The following NEGR1 variants were observed in gnomAD, a reference collection of about 807,000 sequenced individuals.
The protein encoded by NEGR1 is IgLON family member 4.
Under a neutral mutation model 40.9 loss-of-function variants are expected in NEGR1, and 10 were observed. That is an observed-to-expected ratio of 0.24 (90% CI 0.15 to 0.42). The LOEUF (loss-of-function observed/expected upper bound fraction) is 0.42, where lower values mean the gene tolerates loss of function less well. Among genes scored for constraint, NEGR1 ranks in the 10% least tolerant of loss-of-function variants. The pLI, the probability that NEGR1 is intolerant of heterozygous loss-of-function variation, is 1.00. For synonymous variants in NEGR1, 185 were observed against 166.8 expected (o/e 1.11, Z -0.84); for missense variants, 352 against 438.9 (o/e 0.80, Z 1.77).
chr1:72,113,865 C>T (rs1057353351), intron 1 of NEGR1, among the ~76,000 whole-genome samples: 11 of 151,670 alleles, frequency 7.3e-5, no homozygotes, highest in Admixed American at 2.0e-4. Flanking sequence ...TTGTGTGTGA[C>T]GTGACAGCAT....
At chr1:71,945,604 TTC>T (rs905346306) in intron 1 of NEGR1, among the ~76,000 whole-genome samples, 77 of 149,806 alleles carry the variant, frequency 5.1e-4, no homozygotes, top group African/African-American at 1.9e-3. Context: ...CCACAAAAGT[TTC>T]TTTTTTTATA....
intron 1 of NEGR1, among the ~76,000 whole-genome samples, chr1:71,944,778 T>C (rs1646002028): frequency 6.6e-6 from 1 of 152,100 alleles, no homozygotes. Context: ...TTTTTCCTAA[T>C]AAAAAATATT....
At chr1:72,124,278 T>G (rs1019230771) in intron 1 of NEGR1, among the ~76,000 whole-genome samples, 2 of 151,990 alleles carry the variant, frequency 1.3e-5, no homozygotes, top group East Asian at 3.9e-4. Context: ...GTGCCTTCTA[T>G]GCTAACTTCA....
chr1:71,730,511 A>G (rs904263025), intron 3 of NEGR1, among the ~76,000 whole-genome samples: 1 of 147,910 alleles, frequency 6.8e-6, no homozygotes, highest in Non-Finnish European at 1.5e-5. Context: ...TATTGAATAT[A>G]TATGTTTTAT....
At chr1:71,692,258 C>T (rs1384675920) in intron 4 of NEGR1, among the ~76,000 whole-genome samples, 4 of 150,836 alleles carry the variant, frequency 2.7e-5, no homozygotes, top group African/African-American at 7.3e-5. Context: ...CCTTTTTCTC[C>T]CCTGAGTTGT....
intron 3 of NEGR1, among the ~76,000 whole-genome samples, chr1:71,758,440 G>A (rs1288259419): frequency 1.3e-5 from 2 of 151,786 alleles, no homozygotes; most frequent in Non-Finnish European, 2.9e-5. Flanking sequence ...TCACTTGCCC[G>A]AATCTTAAAG....
chr1:71,768,042 T>G (rs1011385065), intron 3 of NEGR1, among the ~76,000 whole-genome samples: 1 of 152,166 alleles, frequency 6.6e-6, no homozygotes, highest in East Asian at 1.9e-4. Context: ...TATCCAGGCA[T>G]CCAGGCAGAA....
chr1:72,028,948 G>T (rs563209217), intron 1 of NEGR1, among the ~76,000 whole-genome samples: 1 of 152,156 alleles, frequency 6.6e-6, no homozygotes, highest in South Asian at 2.1e-4. Context: ...CACAAAATAC[G>T]CAAAAGAATT....
chr1:71,598,376 T>TA lies in NEGR1; in HGVS notation c.789-5409dup, dbSNP rs528261675. Among the ~76,000 whole-genome samples the TA allele has an allele frequency of 1.1e-4, 17 of 152,180 alleles. No individual in the cohort carries two copies. The East Asian group carries it at 3.1e-3, about 28-fold the overall frequency. The stretch of plus-strand genomic sequence containing the variant: ...TTGATCCAGAGGTGAGTCTAATGGG[T>TA]AAAAAATTAACTAAAAAAATGATAC... On this transcript the variant is annotated intron_variant, in intron 5 of 6. Transcript: ENST00000357731.
intron 6 of NEGR1, among the ~76,000 whole-genome samples, chr1:71,479,309 G>T (rs1043723316): frequency 6.6e-6 from 1 of 151,810 alleles, no homozygotes; most frequent in Non-Finnish European, 1.5e-5. Context: ...TCTATTCCTT[G>T]CTTCACCTGC....
intron 2 of NEGR1, among the ~76,000 whole-genome samples, chr1:71,823,459 T>C (rs886796825): frequency 6.6e-5 from 10 of 152,034 alleles, no homozygotes; most frequent in Admixed American, 6.6e-4. Flanking sequence ...TTTTAATGTT[T>C]AGAGAATATT....
chr1:71,674,754 G>A (rs1359427750), intron 4 of NEGR1, among the ~76,000 whole-genome samples: 1 of 152,068 alleles, frequency 6.6e-6, no homozygotes, highest in Admixed American at 6.6e-5. Flanking sequence ...ATTCTTTGAT[G>A]TCACTCAGAT....
intron 4 of NEGR1, among the ~76,000 whole-genome samples, chr1:71,689,819 A>G (rs2101620497): frequency 6.6e-6 from 1 of 151,134 alleles, no homozygotes; most frequent in African/African-American, 2.4e-5. Flanking sequence ...AATATAATAA[A>G]TATAATTAAA....
intron 6 of NEGR1, among the ~76,000 whole-genome samples, chr1:71,495,281 C>G (rs779615508): frequency 6.6e-6 from 1 of 151,866 alleles, no homozygotes; most frequent in African/African-American, 2.4e-5. Flanking sequence ...GAGTTTGAGA[C>G]CAGCTTGGGC....
At chr1:71,740,620 A>ATATATATATTATATATAT (rs1183538778) in intron 3 of NEGR1, among the ~76,000 whole-genome samples, 1 of 152,122 alleles carries the variant, frequency 6.6e-6, no homozygotes, top group Non-Finnish European at 1.5e-5. Context: ...ATTCAGCTAT[A>ATATATATATTATATATAT]ATGTAATTTT....
At chr1:72,091,096 C>T (rs945518324) in intron 1 of NEGR1, among the ~76,000 whole-genome samples, 1 of 152,054 alleles carries the variant, frequency 6.6e-6, no homozygotes, top group Non-Finnish European at 1.5e-5. Context: ...AAGATGGGTT[C>T]GGTCAGAGTT....
chr1:71,894,370 A>C (rs1377177324), intron 2 of NEGR1, among the ~76,000 whole-genome samples: 1 of 152,188 alleles, frequency 6.6e-6, no homozygotes, highest in African/African-American at 2.4e-5. Context: ...AAACAGGAAT[A>C]GGGGCTCTTT....
chr1:71,564,877 G>A (rs548216962), intron 6 of NEGR1, among the ~76,000 whole-genome samples: 1 of 152,134 alleles, frequency 6.6e-6, no homozygotes, highest in South Asian at 2.1e-4. Flanking sequence ...ACTTTCCAAG[G>A]TCACCTATTG....
At chr1:71,827,346 A>C (rs1302396028) in intron 2 of NEGR1, among the ~76,000 whole-genome samples, 1 of 151,894 alleles carries the variant, frequency 6.6e-6, no homozygotes. Context: ...CAAAAGAATG[A>C]CTAGCTTTCC....
Sources: gnomAD v4.1 joint callset for allele counts (sites outside exome capture counted in the v4.1 genomes callset) on GRCh38, gnomAD v4.1.1 for gene constraint, MANE v1.5 for transcripts, NCBI Gene and HGNC (gene_info 2026-07-23, HGNC 2026-07-21) for gene names.